Variants in CREB5 observed in about 807,000 individuals in gnomAD.
The protein encoded by CREB5 is cyclic AMP-responsive element-binding protein 5.
In CREB5, 19 loss-of-function variants were observed where a neutral mutation model predicts 57.1. The ratio of observed to expected loss-of-function variants is 0.33; its 90% CI spans 0.23 to 0.49. CREB5 has a LOEUF of 0.49. Among genes scored for constraint, CREB5 ranks in the 20% least tolerant of loss-of-function variants. The pLI is 0.99. For missense variants in CREB5, 579 were observed against 671.6 expected, an observed-to-expected ratio of 0.86 and a Z score of 1.52; for synonymous variants, 238 against 238.3, an observed-to-expected ratio of 1.00 and a Z score of 0.01.
chr7:28,549,205 T>C (rs529171556), intron 4 of CREB5, among the ~76,000 whole-genome samples: 4 of 152,348 alleles, frequency 2.6e-5, no homozygotes, highest in Non-Finnish European at 5.9e-5. Flanking sequence ...TGTGAAGATG[T>C]GAAATAATCT....
At chr7:28,761,752 A>T (rs536249415) in intron 7 of CREB5, among the ~76,000 whole-genome samples, 174 of 148,756 alleles carry the variant, frequency 1.2e-3, no homozygotes, top group African/African-American at 4.2e-3. Context: ...GTGTGTGTGT[A>T]TCATTTGTTT....
chr7:28,548,116 C>T (rs1020736580), intron 4 of CREB5, among the ~76,000 whole-genome samples: 3 of 152,130 alleles, frequency 2.0e-5, no homozygotes, highest in African/African-American at 7.2e-5. Context: ...GGCTTTTCAT[C>T]AGCTTGAGTT....
intron 5 of CREB5, among the ~76,000 whole-genome samples, chr7:28,696,237 A>G (rs890900000): frequency 1.3e-5 from 2 of 151,836 alleles, no homozygotes; most frequent in African/African-American, 4.9e-5. Flanking sequence ...CTAATTAATG[A>G]TTGTTAAGTG....
chr7:28,445,765 A>G lies in CREB5; in HGVS notation c.3+32848A>G, dbSNP rs1329714347. Among the ~76,000 whole-genome samples, 40 of 151,648 alleles carry G rather than the reference A, an allele frequency of 2.6e-4. No homozygotes were observed. The East Asian group carries it at 6.5e-3, about 24-fold the overall frequency. On this transcript the variant is annotated intron_variant, in intron 1 of 10. Coordinates refer to ENST00000357727, the MANE Select transcript of CREB5 (RefSeq NM_182898.4). ...ATGGGGTTTCACTGTGTTAGCCAGG[A>G]TGATCTCGATCTTCTGACCTCATGA...
At chr7:28,312,772 C>T (rs902120154) in intron 1 of CREB5, among the ~76,000 whole-genome samples, 25 of 152,150 alleles carry the variant, frequency 1.6e-4, no homozygotes, top group African/African-American at 5.8e-4. Context: ...TAAAGCTCCT[C>T]GGGCCATTCT....
At chr7:28,557,144 G>C (rs1476941490) in intron 4 of CREB5, among the ~76,000 whole-genome samples, 1 of 133,588 alleles carries the variant, frequency 7.5e-6, no homozygotes, top group Non-Finnish European at 1.7e-5. Flanking sequence ...GGTACTAGCT[G>C]TTTCCTACTG....
chr7:28,524,684 C>CT, intron 4 of CREB5, among the ~76,000 whole-genome samples: 1 of 152,086 alleles, frequency 6.6e-6, no homozygotes, highest in Non-Finnish European at 1.5e-5. Context: ...TTTAATTTTT[C>CT]TTTTTATCTA....
At chr7:28,482,795 A>G (rs1264830659) in intron 1 of CREB5, among the ~76,000 whole-genome samples, 1 of 152,238 alleles carries the variant, frequency 6.6e-6, no homozygotes, top group Non-Finnish European at 1.5e-5. Context: ...GTTAGTGCTC[A>G]CTGATACTCA....
chr7:28,559,433 G>A (rs543888962), intron 4 of CREB5, among the ~76,000 whole-genome samples: 1 of 152,294 alleles, frequency 6.6e-6, no homozygotes, highest in East Asian at 1.9e-4. Context: ...TCCTGCCTCA[G>A]CCTCCTGAGT....
intron 1 of CREB5, among the ~76,000 whole-genome samples, chr7:28,373,623 A>T (rs931647166): frequency 6.6e-6 from 1 of 151,228 alleles, no homozygotes; most frequent in South Asian, 2.1e-4. Context: ...ATGAGATTTC[A>T]CCATGTTACC....
At chr7:28,445,772 C>T (rs894184786) in intron 1 of CREB5, among the ~76,000 whole-genome samples, 15 of 151,638 alleles carry the variant, frequency 9.9e-5, no homozygotes, top group African/African-American at 2.4e-4. Flanking sequence ...AGGATGATCT[C>T]GATCTTCTGA....
chr7:28,698,371 A>C (rs13244091), intron 5 of CREB5, among the ~76,000 whole-genome samples: 43,828 of 143,778 alleles, frequency 0.3, 7,497 homozygotes, highest in African/African-American at 0.45. Flanking sequence ...AAAAAAAAAA[A>C]CACACTCACA....
intron 1 of CREB5, among the ~76,000 whole-genome samples, chr7:28,396,549 A>G (rs1368723090): frequency 6.6e-6 from 1 of 152,230 alleles, no homozygotes. Flanking sequence ...GATGTCATAA[A>G]TATGAAAGTA....
intron 4 of CREB5, among the ~76,000 whole-genome samples, chr7:28,545,989 T>C (rs1238617055): frequency 6.6e-6 from 1 of 152,202 alleles, no homozygotes; most frequent in Admixed American, 6.5e-5. Context: ...CTACAATCGA[T>C]CTTGGAACAT....
intron 5 of CREB5, among the ~76,000 whole-genome samples, chr7:28,708,604 A>G (rs995713457): frequency 1.3e-5 from 2 of 152,232 alleles, no homozygotes; most frequent in African/African-American, 2.4e-5. Context: ...TAGATCTTTT[A>G]TAAGAGTTCT....
rs116300928 is a variant in CREB5, at chr7:28,370,649, T to C, written c.-25+71208T>C. 4.9e-3 allele frequency among the ~76,000 whole-genome samples: 744 copies of C among 152,318 alleles called. 8 individuals are homozygous for C. Among genetic ancestry groups the C allele is most frequent in the African/African-American group, 0.017 (723 of 41,560 alleles). On this transcript the variant is annotated intron_variant, in intron 1 of 9. Coordinates refer to the CREB5 transcript ENST00000396299. ...TAAGGTAGAAGCACTTTGTAAATGA[T>C]ATAAAGTATACAGACACTGCAGAAA...
At chr7:28,800,096 T>G (rs571875888) in intron 7 of CREB5, among the ~76,000 whole-genome samples, 1 of 152,232 alleles carries the variant, frequency 6.6e-6, no homozygotes, top group African/African-American at 2.4e-5. Flanking sequence ...AGATGGTTGA[T>G]GAATATTAAT....
intron 4 of CREB5, among the ~76,000 whole-genome samples, chr7:28,521,527 A>C (rs1006760113): frequency 6.6e-6 from 1 of 152,194 alleles, no homozygotes; most frequent in Non-Finnish European, 1.5e-5. Context: ...TTTCCTGATT[A>C]TACCCCTGCT....
chr7:28,444,630 G>A (rs962683404), intron 1 of CREB5, among the ~76,000 whole-genome samples: 5 of 152,148 alleles, frequency 3.3e-5, no homozygotes, highest in Non-Finnish European at 7.3e-5. Context: ...AGCCTGACTT[G>A]GTGCTTATTT....
Sources: allele counts gnomAD v4.1 joint callset (sites outside exome capture counted in the v4.1 genomes callset), GRCh38; gene constraint gnomAD v4.1.1; transcripts MANE v1.5; gene names NCBI Gene and HGNC (gene_info 2026-07-23, HGNC 2026-07-21).